TPD52: variants seen among roughly 807,000 people sequenced by gnomAD.
The protein encoded by TPD52 is prostate and colon associated protein.
TPD52 carries 17 observed loss-of-function variants against 31.3 expected under a neutral mutation model. The ratio of observed to expected loss-of-function variants is 0.54; its 90% CI spans 0.37 to 0.82. The LOEUF is 0.82. TPD52 is among the 40% of genes least tolerant of loss of function. TPD52 has a pLI of 0.00. For synonymous variants in TPD52, 83 were observed against 89.6 expected (o/e 0.93, Z 0.42); for missense variants, 212 against 240.1 (o/e 0.88, Z 0.77).
In TPD52 at chr8:80,053,412, T is replaced by C; in HGVS notation, c.154A>G (p.Thr52Ala). 1 of 1,613,320 alleles carries C rather than the reference T, an allele frequency of 6.2e-7. No individual in the cohort carries two copies. The highest frequency in any genetic ancestry group is 8.5e-7 in the Non-Finnish European group (1 of 1,179,560). Reference protein sequence around the residue: ...ELAKVEEEIQTLSQVLAAKEK... With the variant: ...ELAKVEEEIQALSQVLAAKEK... The stretch of plus-strand genomic sequence containing the variant: ...TTTGCTGCTAACACTTGAGACAGAG[T>C]CTGGATTTCTTCTTCTACCTATGAG... Residue 52 changes from threonine (T) to alanine (A), a missense_variant, in exon 3 of 8, where the codon ACT becomes GCT. Physicochemically the swap from Thr to Ala is moderately conservative, Grantham distance 58. Coordinates refer to ENST00000518937, the MANE Select transcript of TPD52 (RefSeq NM_001025253.3).
At chr8:80,155,995 T>C (rs1810947181) in intron 1 of TPD52, among the ~76,000 whole-genome samples, 1 of 152,128 alleles carries the variant, frequency 6.6e-6, no homozygotes, top group Admixed American at 6.6e-5. Flanking sequence ...CTGCTCCAGT[T>C]ATCCAATACT....
intron 7 of TPD52, among the ~76,000 whole-genome samples, chr8:80,039,663 G>A (rs989206434): frequency 6.6e-6 from 1 of 151,680 alleles, no homozygotes; most frequent in Non-Finnish European, 1.5e-5. Context: ...ATTGCCCCAA[G>A]TTCAAACTCT....
At chr8:80,086,685 C>G in intron 1 of TPD52, among the ~76,000 whole-genome samples, 1 of 151,734 alleles carries the variant, frequency 6.6e-6, no homozygotes, top group South Asian at 2.1e-4. Context: ...ACCAGCCTGG[C>G]CAATATGGTG....
chr8:80,160,200 A>AC (rs398086736), intron 1 of TPD52, among the ~76,000 whole-genome samples: 1 of 151,468 alleles, frequency 6.6e-6, no homozygotes, highest in East Asian at 1.9e-4. Context: ...CAAAAAAAAA[A>AC]AGTAGTTTAA....
chr8:80,064,439 A>T (rs1043919685), intron 2 of TPD52, 39 bp downstream of exon 2: 1 of 1,472,066 alleles, frequency 6.8e-7, no homozygotes, highest in Non-Finnish European at 9.5e-7. Flanking sequence ...AGTACATTTT[A>T]AGTGCAAAAA....
At position 80,139,825 on chromosome 8, in the gene TPD52, T is replaced by C. The variant is rs189392974; in HGVS notation, c.19+31600A>G. ...ATCCTCCTAACCATCTTGACAGGAA[T>C]ACAAGACATTTACAAATGGGGAGCC... is the stretch of plus-strand genomic sequence containing the variant. On this transcript the variant is annotated intron_variant, in intron 1 of 7. Transcript: ENST00000518937. Among the ~76,000 whole-genome samples, 13 of 152,238 alleles carry C rather than the reference T, an allele frequency of 8.5e-5. No individual in the cohort carries two copies. The East Asian group carries it at 2.5e-3, about 29-fold the overall frequency.
chr8:80,117,738 T>C (rs990210476), intron 1 of TPD52, among the ~76,000 whole-genome samples: 39 of 147,480 alleles, frequency 2.6e-4, no homozygotes, highest in Non-Finnish European at 3.2e-4. Flanking sequence ...TTCTTTCTTT[T>C]TTTTTTTTTT....
At position 80,036,378 on chromosome 8, in the gene TPD52, AC is replaced by A. The variant is rs776204937; in HGVS notation, c.*1737del. ...GTAAGCACAATATTTCTATAGAAAG[AC>A]AGACTTCTACAGATCCACTCCTCTG... On this transcript the variant is annotated 3_prime_UTR_variant, in exon 8 of 8. Transcript: ENST00000518937. 6.6e-6 allele frequency: 1 copy of A among 152,666 alleles called. No individual in the cohort carries two copies. Among genetic ancestry groups the A allele is most frequent in the Non-Finnish European group, 1.5e-5 (1 of 68,038 alleles). 9.5% of individuals were successfully genotyped at this position (152,666 alleles called of 1,614,324 possible). A position where few individuals can be genotyped will look rare whatever the true frequency, so the allele number is the denominator to read the frequency against.
At chr8:80,117,574 A>G (rs553117795) in intron 1 of TPD52, among the ~76,000 whole-genome samples, 13 of 152,316 alleles carry the variant, frequency 8.5e-5, no homozygotes, top group African/African-American at 2.9e-4. Flanking sequence ...ATCAATTTAC[A>G]GATTCAGTGT....
intron 1 of TPD52, among the ~76,000 whole-genome samples, chr8:80,102,073 T>A (rs1343937035): frequency 6.6e-6 from 1 of 152,238 alleles, no homozygotes; most frequent in Non-Finnish European, 1.5e-5. Context: ...AATTGCAGCA[T>A]GTCCTAGTTA....
At chr8:80,094,951 G>T (rs1034580575) in intron 1 of TPD52, among the ~76,000 whole-genome samples, 3 of 152,056 alleles carry the variant, frequency 2.0e-5, no homozygotes, top group African/African-American at 7.2e-5. Flanking sequence ...CAATAAGGAG[G>T]GTAATTGTCA....
chr8:80,162,303 C>T (rs988273049), intron 1 of TPD52, among the ~76,000 whole-genome samples: 1 of 152,004 alleles, frequency 6.6e-6, no homozygotes, highest in Non-Finnish European at 1.5e-5. Flanking sequence ...CCAACATAAC[C>T]AAAATGATAA....
intron 1 of TPD52, among the ~76,000 whole-genome samples, chr8:80,147,815 C>T (rs969931036): frequency 6.6e-6 from 1 of 151,872 alleles, no homozygotes; most frequent in African/African-American, 2.4e-5. Context: ...AATGTGCACA[C>T]ACACATACAT....
chr8:80,100,088 G>T (rs749641274), intron 1 of TPD52, among the ~76,000 whole-genome samples: 3 of 152,138 alleles, frequency 2.0e-5, no homozygotes, highest in Non-Finnish European at 2.9e-5. Flanking sequence ...ATCAAAACAC[G>T]CAATTTTAAA....
At chr8:80,118,273 G>A (rs1003579760) in intron 1 of TPD52, among the ~76,000 whole-genome samples, 1 of 152,072 alleles carries the variant, frequency 6.6e-6, no homozygotes, top group South Asian at 2.1e-4. Context: ...GAATAAAACT[G>A]GACCCCTACC....
rs755680127 is a variant in TPD52, at chr8:80,051,619, C to T, written c.294G>A (p.Lys98=). ...QDVTATSAYK[K]TSETLSQAGQ... ...CAGCCTGGGATAAGGTTTCAGATGT[C>T]TTCTTGTAACTATATTAAATTATAA... is the stretch of plus-strand genomic sequence containing the variant. Residue 98 remains lysine (K), a synonymous_variant, in exon 4 of 8, where the codon AAG becomes AAA. Transcript: ENST00000518937. 3.7e-5 allele frequency: 59 copies of T among 1,596,910 alleles called. 2 individuals carry two copies. The Admixed American group carries it at 1.0e-3, about 28-fold the overall frequency.
At chr8:80,138,615 T>C (rs944056662) in intron 1 of TPD52, among the ~76,000 whole-genome samples, 4 of 152,110 alleles carry the variant, frequency 2.6e-5, no homozygotes, top group African/African-American at 4.8e-5. Flanking sequence ...TCCAAAAAGG[T>C]AGCTGAACAC....
At chr8:80,040,436 T>G (rs1483390704) in intron 7 of TPD52, among the ~76,000 whole-genome samples, 3 of 152,126 alleles carry the variant, frequency 2.0e-5, no homozygotes, top group African/African-American at 7.2e-5. Context: ...GTGATCTGCC[T>G]GCCTTGGCCT....
At chr8:80,085,422 A>C (rs1353527778) in intron 1 of TPD52, among the ~76,000 whole-genome samples, 2 of 152,256 alleles carry the variant, frequency 1.3e-5, no homozygotes, top group African/African-American at 4.8e-5. Context: ...AGACATATAA[A>C]GGACAGTCTG....
Sources: allele counts gnomAD v4.1 joint callset (sites outside exome capture counted in the v4.1 genomes callset), GRCh38; gene constraint gnomAD v4.1.1; transcripts MANE v1.5; gene names NCBI Gene and HGNC (gene_info 2026-07-23, HGNC 2026-07-21).